Variants in KCNIP1 observed in about 807,000 individuals in gnomAD.
KCNIP1 encodes the protein potassium voltage-gated channel interacting protein 1, also known as A-type potassium channel modulatory protein KCNIP1.
KCNIP1 carries 18 observed loss-of-function variants against 33.0 expected under a neutral mutation model. The observed-to-expected ratio is 0.55, with a 90% CI of 0.38 to 0.81. The LOEUF is 0.81. Among genes scored for constraint, KCNIP1 ranks in the 30% least tolerant of loss-of-function variants. The pLI, the probability that KCNIP1 is intolerant of heterozygous loss-of-function variation, is 0.00. For missense variants in KCNIP1, 238 were observed against 271.6 expected (o/e 0.88, Z 0.87); for synonymous variants, 93 against 98.3 (o/e 0.95, Z 0.32).
intron 1 of KCNIP1, among the ~76,000 whole-genome samples, chr5:170,628,261 C>G (rs1759915822): frequency 6.6e-6 from 1 of 152,182 alleles, no homozygotes. Context: ...ACAGCCACCT[C>G]CATCACCAAA....
intron 1 of KCNIP1, among the ~76,000 whole-genome samples, chr5:170,538,578 C>T (rs889212107): frequency 2.3e-4 from 35 of 151,856 alleles, no homozygotes; most frequent in Admixed American, 2.3e-3. Context: ...TCCCCACCTC[C>T]ATTCTTACCC....
chr5:170,522,178 C>T (rs1301782468), intron 1 of KCNIP1, among the ~76,000 whole-genome samples: 1 of 152,172 alleles, frequency 6.6e-6, no homozygotes, highest in African/African-American at 2.4e-5. Context: ...GCTCAAGGAC[C>T]AGAGGTCAGC....
intron 1 of KCNIP1, among the ~76,000 whole-genome samples, chr5:170,452,951 A>G (rs74336600): frequency 0.12 from 18,846 of 152,260 alleles, 1,442 homozygotes; most frequent in South Asian, 0.27. Context: ...TGAAGGGGGA[A>G]AAATCTAAAA....
intron 1 of KCNIP1, among the ~76,000 whole-genome samples, chr5:170,711,587 G>A (rs758771627): frequency 5.9e-5 from 9 of 152,016 alleles, no homozygotes; most frequent in Non-Finnish European, 1.0e-4. Flanking sequence ...TATCAATACC[G>A]GTTCATCAAC....
At chr5:170,586,299 C>T (rs531448632) in intron 1 of KCNIP1, among the ~76,000 whole-genome samples, 35 of 152,270 alleles carry the variant, frequency 2.3e-4, no homozygotes, top group South Asian at 6.2e-4. Context: ...TTGTAACCTT[C>T]CCAGTACCTT....
chr5:170,387,394 G>C (rs1764519317), intron 1 of KCNIP1, among the ~76,000 whole-genome samples: 1 of 152,146 alleles, frequency 6.6e-6, no homozygotes, highest in Non-Finnish European at 1.5e-5. Flanking sequence ...AATATTCAGA[G>C]ATTCTTGACT....
intron 1 of KCNIP1, among the ~76,000 whole-genome samples, chr5:170,628,605 G>A (rs969288731): frequency 6.6e-6 from 1 of 152,128 alleles, no homozygotes; most frequent in South Asian, 2.1e-4. Context: ...TCCAGAAGGC[G>A]GCCTTGGTAC....
At chr5:170,582,998 GTCTT>G (rs1349882832) in intron 1 of KCNIP1, among the ~76,000 whole-genome samples, 21 of 152,180 alleles carry the variant, frequency 1.4e-4, no homozygotes, top group African/African-American at 5.1e-4. Context: ...GTCAATTCAT[GTCTT>G]CATCACTCCT....
chr5:170,430,815 CT>C (rs1371049438), intron 1 of KCNIP1, among the ~76,000 whole-genome samples: 1 of 152,164 alleles, frequency 6.6e-6, no homozygotes, highest in African/African-American at 2.4e-5. Context: ...ATTGTTGCCC[CT>C]ACTATTACTG....
upstream of KCNIP1, among the ~76,000 whole-genome samples, chr5:170,502,937 GC>G (rs1237562256): frequency 6.6e-6 from 1 of 152,160 alleles, no homozygotes; most frequent in Non-Finnish European, 1.5e-5. Flanking sequence ...CGCAAACTTT[GC>G]CCATTGGGTG....
chr5:170,524,039 A>G (rs1037734787), intron 1 of KCNIP1, among the ~76,000 whole-genome samples: 2 of 151,992 alleles, frequency 1.3e-5, no homozygotes, highest in African/African-American at 2.4e-5. Context: ...TCTGGGCTCC[A>G]TGGTCTGCCC....
intron 1 of KCNIP1, among the ~76,000 whole-genome samples, chr5:170,587,148 G>A (rs778316905): frequency 1.3e-5 from 2 of 152,164 alleles, no homozygotes. Context: ...TGGGCCGGGT[G>A]CAGTGGCTCA....
chr5:170,535,986 A>T (rs1201136398), intron 1 of KCNIP1, among the ~76,000 whole-genome samples: 13 of 152,330 alleles, frequency 8.5e-5, no homozygotes, highest in Non-Finnish European at 1.2e-4. Flanking sequence ...AATGGGATTG[A>T]TAATACCTAC....
chr5:170,584,597 T>C (rs1168393830), intron 1 of KCNIP1, among the ~76,000 whole-genome samples: 1 of 152,068 alleles, frequency 6.6e-6, no homozygotes, highest in Non-Finnish European at 1.5e-5. Context: ...TGGAGAGTGG[T>C]TGAGTCTGCA....
At chr5:170,679,402 C>G (rs1165368533) in intron 1 of KCNIP1, 2 of 152,168 alleles carry the variant, frequency 1.3e-5, no homozygotes, top group Non-Finnish European at 2.9e-5. Flanking sequence ...TTTCCCGAGT[C>G]TCAATCCAAT....
At chr5:170,610,582 AGGTGCACCT>A (rs1759106270) in intron 1 of KCNIP1, among the ~76,000 whole-genome samples, 2 of 152,180 alleles carry the variant, frequency 1.3e-5, no homozygotes, top group African/African-American at 4.8e-5. Context: ...TTTGAATCTT[AGGTGCACCT>A]TTCATTAACT....
At chr5:170,652,801 T>G (rs1046045056) in intron 1 of KCNIP1, among the ~76,000 whole-genome samples, 1 of 152,188 alleles carries the variant, frequency 6.6e-6, no homozygotes, top group African/African-American at 2.4e-5. Context: ...TCAGCTCTGT[T>G]TTTGTCATTA....
chr5:170,673,193 T>G (rs1272539608), intron 1 of KCNIP1, among the ~76,000 whole-genome samples: 12 of 152,224 alleles, frequency 7.9e-5, no homozygotes, highest in Non-Finnish European at 2.9e-5. Context: ...TAGTCTAAAC[T>G]GGTGAGATGG....
chr5:170,567,991 G>A (rs4867978), intron 1 of KCNIP1, among the ~76,000 whole-genome samples: 54,990 of 152,046 alleles, frequency 0.36, 10,679 homozygotes, highest in Admixed American at 0.44. Flanking sequence ...ACGGAGCCAG[G>A]TCAATGGAGT....
Sources: gnomAD v4.1 joint callset for allele counts (sites outside exome capture counted in the v4.1 genomes callset) on GRCh38, gnomAD v4.1.1 for gene constraint, MANE v1.5 for transcripts, NCBI Gene and HGNC (gene_info 2026-07-23, HGNC 2026-07-21) for gene names.